The following MACROD2 variants were observed in gnomAD, a reference collection of about 807,000 sequenced individuals.
MACROD2 encodes the protein ADP-ribose glycohydrolase MACROD2.
MACROD2 carries 36 observed loss-of-function variants against 70.4 expected under a neutral mutation model. The observed-to-expected ratio is 0.51, with a 90% CI of 0.39 to 0.68. MACROD2 has a LOEUF of 0.68. Among genes scored for constraint, MACROD2 ranks in the 30% least tolerant of loss-of-function variants. The pLI, the probability that MACROD2 is intolerant of heterozygous loss-of-function variation, is 0.00. For synonymous variants in MACROD2, 172 were observed against 178.8 expected (o/e 0.96, Z 0.30); for missense variants, 496 against 538.4 (o/e 0.92, Z 0.78).
intron 3 of MACROD2, among the ~76,000 whole-genome samples, chr20:14,139,770 C>A (rs888113063): frequency 4.6e-5 from 7 of 152,090 alleles, no homozygotes; most frequent in African/African-American, 1.7e-4. Context: ...TGAATATTCC[C>A]AATCCAAAAA....
At chr20:15,818,092 C>G (rs2063897020) in intron 8 of MACROD2, among the ~76,000 whole-genome samples, 1 of 152,044 alleles carries the variant, frequency 6.6e-6, no homozygotes, top group Non-Finnish European at 1.5e-5. Flanking sequence ...TTTTCCTGGT[C>G]CCTCAAGGCT....
At chr20:14,169,409 ATTC>A (rs2081199906) in intron 3 of MACROD2, among the ~76,000 whole-genome samples, 1 of 152,026 alleles carries the variant, frequency 6.6e-6, no homozygotes, top group Non-Finnish European at 1.5e-5. Context: ...TGTTCAAGCG[ATTC>A]TTCTGCCTCA....
chr20:15,236,966 C>A (rs2077018720), intron 6 of MACROD2, among the ~76,000 whole-genome samples: 1 of 152,012 alleles, frequency 6.6e-6, no homozygotes, highest in Admixed American at 6.6e-5. Context: ...TGTAGCACTG[C>A]CCTCTAGGGA....
intron 5 of MACROD2, among the ~76,000 whole-genome samples, chr20:14,952,672 C>G (rs187339502): frequency 9.5e-4 from 144 of 152,082 alleles, no homozygotes; most frequent in Non-Finnish European, 1.4e-3. Context: ...TGTGATATTT[C>G]TATCATCATA....
intron 3 of MACROD2, among the ~76,000 whole-genome samples, chr20:14,435,563 G>T (rs1171447474): frequency 6.6e-6 from 1 of 152,090 alleles, no homozygotes; most frequent in Non-Finnish European, 1.5e-5. Context: ...GATAGTTATT[G>T]AGTACCCCTT....
chr20:14,434,096 GA>G (rs2084028084), intron 3 of MACROD2, among the ~76,000 whole-genome samples: 1 of 152,118 alleles, frequency 6.6e-6, no homozygotes, highest in Non-Finnish European at 1.5e-5. Flanking sequence ...GTAAGTTACA[GA>G]TACAGCAGAC....
chr20:15,013,909 TAAG>T (rs1486433513), intron 5 of MACROD2, among the ~76,000 whole-genome samples: 2 of 152,170 alleles, frequency 1.3e-5, no homozygotes, highest in Non-Finnish European at 2.9e-5. Flanking sequence ...AAGCATGACT[TAAG>T]AAGATGATGC....
At chr20:15,608,758 T>C (rs1015343082) in intron 8 of MACROD2, among the ~76,000 whole-genome samples, 3 of 152,226 alleles carry the variant, frequency 2.0e-5, no homozygotes, top group Admixed American at 6.5e-5. Context: ...TGTCTTAGGC[T>C]TTTTGAAGTC....
chr20:14,105,381 G>A (rs908666169), intron 3 of MACROD2, among the ~76,000 whole-genome samples: 12 of 152,208 alleles, frequency 7.9e-5, no homozygotes, highest in African/African-American at 2.9e-4. Context: ...TAAACTCAGC[G>A]CTGCCTTGTC....
intron 5 of MACROD2, among the ~76,000 whole-genome samples, chr20:15,171,099 C>T (rs1192034642): frequency 6.6e-6 from 1 of 152,124 alleles, no homozygotes; most frequent in Non-Finnish European, 1.5e-5. Flanking sequence ...CCCTGGGGGA[C>T]CTAGCGTGGA....
chr20:14,017,160 C>T (rs891662409), intron 2 of MACROD2, among the ~76,000 whole-genome samples: 3 of 152,052 alleles, frequency 2.0e-5, no homozygotes, highest in Admixed American at 6.5e-5. Context: ...TGCAAGTGTA[C>T]AGAAATGAAA....
intron 3 of MACROD2, among the ~76,000 whole-genome samples, chr20:14,150,987 A>G (rs1027102869): frequency 2.6e-5 from 4 of 152,210 alleles, no homozygotes; most frequent in African/African-American, 9.6e-5. Flanking sequence ...TCTTAAAAGC[A>G]TAAGGCCAGT....
chr20:14,357,774 A>G (rs930745980), intron 3 of MACROD2, among the ~76,000 whole-genome samples: 1 of 152,222 alleles, frequency 6.6e-6, no homozygotes, highest in African/African-American at 2.4e-5. Context: ...TCATCTGTCA[A>G]GAAGGACAGG....
At chr20:14,906,652 C>A (rs951935671) in intron 5 of MACROD2, among the ~76,000 whole-genome samples, 3 of 151,966 alleles carry the variant, frequency 2.0e-5, no homozygotes, top group African/African-American at 7.3e-5. Flanking sequence ...AAATAAATAT[C>A]GAATATACCA....
chr20:15,334,153 T>C lies in MACROD2; in HGVS notation c.541-97252T>C, dbSNP rs539260015. 5.3e-5 allele frequency among the ~76,000 whole-genome samples: 8 copies of C among 151,686 alleles called. No homozygotes were observed. In the South Asian group the frequency reaches 1.7e-3, roughly 31 times the overall value. On this transcript the variant is annotated intron_variant, in intron 6 of 17. Transcript: ENST00000684519. Reference sequence around the variant, plus strand: ...GCTTCTTTGCCTCCTAGTATATGGGTCTTTTATTTCTAAAACTGACTTCTT... The same window carrying C: ...GCTTCTTTGCCTCCTAGTATATGGGCCTTTTATTTCTAAAACTGACTTCTT...
intron 8 of MACROD2, among the ~76,000 whole-genome samples, chr20:15,526,223 C>G (rs1353749417): frequency 6.6e-6 from 1 of 152,038 alleles, no homozygotes. Flanking sequence ...GGACACCAAA[C>G]CAATTGTATC....
intron 3 of MACROD2, among the ~76,000 whole-genome samples, chr20:14,346,290 G>A (rs549509919): frequency 2.7e-4 from 41 of 152,052 alleles, no homozygotes; most frequent in Middle Eastern, 3.4e-3. Context: ...ACTACAAGAC[G>A]TATGAATGTA....
chr20:14,357,807 A>G (rs1365801907), intron 3 of MACROD2, among the ~76,000 whole-genome samples: 1 of 152,218 alleles, frequency 6.6e-6, no homozygotes, highest in African/African-American at 2.4e-5. Flanking sequence ...TTTTGACTAC[A>G]TTTGATGATA....
At chr20:15,714,329 A>G (rs868742840) in intron 8 of MACROD2, among the ~76,000 whole-genome samples, 4 of 152,230 alleles carry the variant, frequency 2.6e-5, no homozygotes, top group Admixed American at 2.0e-4. Flanking sequence ...GGCTCCTGCC[A>G]CTATCCCTTT....
Sources: gnomAD v4.1 joint callset for allele counts (sites outside exome capture counted in the v4.1 genomes callset) on GRCh38, gnomAD v4.1.1 for gene constraint, MANE v1.5 for transcripts, NCBI Gene and HGNC (gene_info 2026-07-23, HGNC 2026-07-21) for gene names.